The following CCDC85A variants were observed in gnomAD, a reference collection of about 807,000 sequenced individuals.
CCDC85A encodes coiled-coil domain containing 85A.
CCDC85A carries 38 observed loss-of-function variants against 50.2 expected under a neutral mutation model. The ratio of observed to expected loss-of-function variants is 0.76; its 90% confidence interval spans 0.58 to 0.99. CCDC85A has a LOEUF of 0.99. Among genes scored for constraint, CCDC85A ranks in the 50% least tolerant of loss-of-function variants. The pLI is 0.00. For missense variants in CCDC85A, 820 were observed against 742.0 expected (o/e 1.11, Z -1.22); for synonymous variants, 366 against 301.4 (o/e 1.21, Z -2.22).
intron 2 of CCDC85A, among the ~76,000 whole-genome samples, chr2:56,216,624 G>C (rs1677404575): frequency 6.6e-6 from 1 of 150,702 alleles, no homozygotes; most frequent in Admixed American, 6.6e-5. Context: ...TTTTGATTTT[G>C]AGTTCAGTTG....
intron 2 of CCDC85A, among the ~76,000 whole-genome samples, chr2:56,273,754 T>C (rs1670801565): frequency 6.6e-6 from 1 of 151,614 alleles, no homozygotes; most frequent in Non-Finnish European, 1.5e-5. Context: ...AACAGCTGTA[T>C]AGCAGAACTG....
In CCDC85A at chr2:56,193,185, G is replaced by C. The variant is rs753705942; in HGVS notation, c.985G>C (p.Ala329Pro). The change falls in exon 2 of 6, where the codon GCC becomes CCC. Residue 329 changes from alanine (A) to proline (P), a missense_variant. Transcript: ENST00000407595. ...CCGGTCAGGGAGCAGCCCTGAACAC[G>C]CCAGGCACAGTGGAGGGAGCCCGGA... ...KHRSGSSPEH[A>P]RHSGGSPEHL... 2.5e-6 allele frequency: 4 copies of C among 1,612,730 alleles called. No homozygotes were observed. The South Asian group carries it at 4.4e-5, about 18-fold the overall frequency.
intron 2 of CCDC85A, among the ~76,000 whole-genome samples, chr2:56,266,178 G>C (rs1670431825): frequency 6.6e-6 from 1 of 152,188 alleles, no homozygotes; most frequent in Non-Finnish European, 1.5e-5. Context: ...GGAAATGTCA[G>C]TCAAAGAGTA....
intron 3 of CCDC85A, among the ~76,000 whole-genome samples, chr2:56,365,214 A>C (rs1486959582): frequency 6.6e-6 from 1 of 152,232 alleles, no homozygotes; most frequent in African/African-American, 2.4e-5. Context: ...GTGACTCCAC[A>C]GACATCAATC....
intron 2 of CCDC85A, among the ~76,000 whole-genome samples, chr2:56,202,606 G>A (rs534061537): frequency 2.0e-4 from 30 of 152,298 alleles, no homozygotes; most frequent in African/African-American, 6.0e-4. Context: ...AAGGAGTTGC[G>A]TTTTTTAATA....
chr2:56,353,134 A>G (rs1675041418), intron 3 of CCDC85A, among the ~76,000 whole-genome samples: 1 of 152,336 alleles, frequency 6.6e-6, no homozygotes, highest in East Asian at 1.9e-4. Flanking sequence ...TCTAAAGCTA[A>G]TAAAGTTTCA....
chr2:56,372,309 T>C (rs1364027870), intron 3 of CCDC85A, 35 bp from the exon 4 acceptor site: 1 of 1,483,198 alleles, frequency 6.7e-7, no homozygotes, highest in East Asian at 2.6e-5. Flanking sequence ...ACAGTATTTT[T>C]CTGAGTGATT....
chr2:56,337,587 C>T (rs1158295518), intron 2 of CCDC85A, among the ~76,000 whole-genome samples: 1 of 152,054 alleles, frequency 6.6e-6, no homozygotes, highest in African/African-American at 2.4e-5. Flanking sequence ...TGGCTCCACT[C>T]ATATCTCTCT....
At chr2:56,219,520 A>C (rs1668228534) in intron 2 of CCDC85A, among the ~76,000 whole-genome samples, 1 of 151,600 alleles carries the variant, frequency 6.6e-6, no homozygotes, top group Non-Finnish European at 1.5e-5. Context: ...GTTTCCTACA[A>C]ATCCCATCTT....
At chr2:56,308,665 A>T (rs1355576908) in intron 2 of CCDC85A, among the ~76,000 whole-genome samples, 6 of 152,230 alleles carry the variant, frequency 3.9e-5, no homozygotes, top group Non-Finnish European at 8.8e-5. Context: ...CTGAAATTTA[A>T]GAGGAAACTT....
chr2:56,259,176 A>G (rs1670114000), intron 2 of CCDC85A, among the ~76,000 whole-genome samples: 1 of 152,208 alleles, frequency 6.6e-6, no homozygotes, highest in South Asian at 2.1e-4. Context: ...CTTGACAGAA[A>G]CAGGAAGCCT....
At chr2:56,214,614 A>G (rs773667880) in intron 2 of CCDC85A, among the ~76,000 whole-genome samples, 7 of 151,916 alleles carry the variant, frequency 4.6e-5, no homozygotes, top group African/African-American at 1.4e-4. Flanking sequence ...TGGGCATCCA[A>G]TTATCCCAGT....
intron 2 of CCDC85A, among the ~76,000 whole-genome samples, chr2:56,249,925 C>T (rs1270501391): frequency 6.6e-6 from 1 of 152,138 alleles, no homozygotes; most frequent in African/African-American, 2.4e-5. Context: ...CCAGGCCCTG[C>T]CATAGCTATA....
At chr2:56,219,428 A>G (rs1196056952) in intron 2 of CCDC85A, among the ~76,000 whole-genome samples, 1 of 151,702 alleles carries the variant, frequency 6.6e-6, no homozygotes, top group Non-Finnish European at 1.5e-5. Flanking sequence ...TACCGTTGAC[A>G]TATAATGAAA....
In CCDC85A at chr2:56,195,659, A is replaced by G. The variant is rs150646083; in HGVS notation, c.1240+2219A>G. ...TATGGATGGTAAGACATGCTTTTTC[A>G]TATTTTTAAATCCTCACACAATTTG... On this transcript the variant is annotated intron_variant, in intron 2 of 5. Coordinates refer to ENST00000407595, the MANE Select transcript of CCDC85A (RefSeq NM_001080433.2). Among the ~76,000 whole-genome samples the G allele has an allele frequency of 2.3e-3, 347 of 152,284 alleles. 1 individual carries two copies. Among genetic ancestry groups the G allele is most frequent in the African/African-American group, 8.0e-3 (333 of 41,556 alleles).
At chr2:56,223,908 T>A (rs1012622505) in intron 2 of CCDC85A, among the ~76,000 whole-genome samples, 8 of 152,142 alleles carry the variant, frequency 5.3e-5, no homozygotes, top group Non-Finnish European at 8.8e-5. Flanking sequence ...CTAACTGGCT[T>A]TCCCTACTTC....
chr2:56,285,511 T>C (rs894121886), intron 2 of CCDC85A, among the ~76,000 whole-genome samples: 3 of 146,656 alleles, frequency 2.0e-5, no homozygotes, highest in Admixed American at 6.9e-5. Flanking sequence ...TATTATAGTA[T>C]ATTATATTAA....
chr2:56,378,627 T>G (rs1052405376), intron 5 of CCDC85A, among the ~76,000 whole-genome samples: 2 of 152,214 alleles, frequency 1.3e-5, no homozygotes, highest in Non-Finnish European at 2.9e-5. Context: ...ATAATAATAA[T>G]GGCTAGACGT....
chr2:56,376,562 A>T (rs1245971620), intron 5 of CCDC85A, among the ~76,000 whole-genome samples: 1 of 152,164 alleles, frequency 6.6e-6, no homozygotes, highest in African/African-American at 2.4e-5. Flanking sequence ...TTTGTCATCT[A>T]TTTTCTTTAC....
Sources: allele counts gnomAD v4.1 joint callset (sites outside exome capture counted in the v4.1 genomes callset), GRCh38; gene constraint gnomAD v4.1.1; transcripts MANE v1.5; gene names NCBI Gene and HGNC (gene_info 2026-07-23, HGNC 2026-07-21).